CTNNA2: variants seen among roughly 807,000 people sequenced by gnomAD.
CTNNA2 encodes catenin alpha 2, also known as catenin alpha-2.
In CTNNA2, 42 loss-of-function variants were observed where a neutral mutation model predicts 101.0. The ratio of observed to expected loss-of-function variants is 0.42; its 90% CI spans 0.32 to 0.54. The LOEUF (loss-of-function observed/expected upper bound fraction) is 0.54, where lower values mean the gene tolerates loss of function less well. Among genes scored for constraint, CTNNA2 ranks in the 20% least tolerant of loss-of-function variants. The probability of loss-of-function intolerance (pLI) is 0.14; values close to 1 mark genes in which losing one functional copy is unlikely to be tolerated. For synonymous variants in CTNNA2, 450 were observed against 456.4 expected, an observed-to-expected ratio of 0.99 and a Z score of 0.18; for missense variants, 871 against 1,223.1, an observed-to-expected ratio of 0.71 and a Z score of 4.29.
At chr2:79,735,981 A>G (rs543054603) in intron 2 of CTNNA2, among the ~76,000 whole-genome samples, 2 of 152,272 alleles carry the variant, frequency 1.3e-5, no homozygotes, top group African/African-American at 4.8e-5. Context: ...CTTATTATTT[A>G]CTTCTTTTTT....
At position 80,608,325 on chromosome 2, in the gene CTNNA2, T is replaced by C. The variant is rs1698187912; in HGVS notation, c.2430+7T>C. ...AGAGCTCATTGTGTCAGGGGTAAGC[T>C]GGACTTGGGCTTCACAATGTAAAGT... On this transcript the variant is annotated splice_region_variant and intron_variant, in intron 17 of 18. Coordinates refer to ENST00000402739, the MANE Select transcript of CTNNA2 (RefSeq NM_001282597.3). 6.2e-7 allele frequency: 1 copy of C among 1,606,356 alleles called. No homozygotes were observed. Among genetic ancestry groups the C allele is most frequent in the African/African-American group, 1.3e-5 (1 of 74,638 alleles).
intron 7 of CTNNA2, among the ~76,000 whole-genome samples, chr2:80,383,993 G>A (rs1474552977): frequency 6.6e-6 from 1 of 152,094 alleles, no homozygotes; most frequent in Non-Finnish European, 1.5e-5. Context: ...CCACAAAAAA[G>A]AACAAGATCA....
At chr2:79,231,282 G>A (rs1572990592) in intron 2 of CTNNA2, among the ~76,000 whole-genome samples, 1 of 152,248 alleles carries the variant, frequency 6.6e-6, no homozygotes, top group Non-Finnish European at 1.5e-5. Flanking sequence ...ATGGAGGCGG[G>A]TCCTTCCTGT....
chr2:79,848,993 C>A (rs992277330), intron 3 of CTNNA2, among the ~76,000 whole-genome samples: 7 of 138,286 alleles, frequency 5.1e-5, no homozygotes, highest in Non-Finnish European at 7.5e-5. Flanking sequence ...ACCACCTGAC[C>A]ACGGCACTTG....
chr2:79,519,160 C>A (rs1338709344), intron 1 of CTNNA2, among the ~76,000 whole-genome samples: 2 of 144,406 alleles, frequency 1.4e-5, no homozygotes, highest in Non-Finnish European at 3.0e-5. Context: ...ACCCAGGAGG[C>A]GGAGGCTGCA....
chr2:80,261,035 T>C (rs17018919), intron 7 of CTNNA2, among the ~76,000 whole-genome samples: 11,083 of 152,258 alleles, frequency 0.073, 569 homozygotes, highest in South Asian at 0.29. Context: ...ACCACAATGA[T>C]AGTCAGACTC....
intron 7 of CTNNA2, among the ~76,000 whole-genome samples, chr2:80,032,461 A>C (rs986175262): frequency 6.6e-6 from 1 of 152,202 alleles, no homozygotes; most frequent in Admixed American, 6.5e-5. Flanking sequence ...AATTTCTATG[A>C]TCAATCATCA....
chr2:80,125,841 GA>G (rs1172962204), intron 7 of CTNNA2, among the ~76,000 whole-genome samples: 2 of 152,164 alleles, frequency 1.3e-5, no homozygotes, highest in Non-Finnish European at 2.9e-5. Flanking sequence ...AAGGCAAAAT[GA>G]TATCCACACA....
At chr2:80,583,124 T>A (rs1695682361) in intron 14 of CTNNA2, among the ~76,000 whole-genome samples, 1 of 152,182 alleles carries the variant, frequency 6.6e-6, no homozygotes, top group Non-Finnish European at 1.5e-5. Flanking sequence ...GTTGCTTGAT[T>A]TTTCAGTTTC....
chr2:79,990,803 A>T (rs973773838), intron 7 of CTNNA2, among the ~76,000 whole-genome samples: 7 of 152,172 alleles, frequency 4.6e-5, no homozygotes, highest in Admixed American at 4.6e-4. Flanking sequence ...AAAATGAGTT[A>T]GGGAGGATTC....
chr2:80,605,395 C>G (rs1217633456), intron 16 of CTNNA2: 1 of 151,908 alleles, frequency 6.6e-6, no homozygotes, highest in Admixed American at 6.6e-5. Flanking sequence ...ATTATATATG[C>G]TACTATCTAC....
At chr2:80,426,674 AGCTTACGTG>A (rs1681024006) in intron 9 of CTNNA2, among the ~76,000 whole-genome samples, 1 of 152,128 alleles carries the variant, frequency 6.6e-6, no homozygotes, top group South Asian at 2.1e-4. Context: ...ATTGTAAAGA[AGCTTACGTG>A]GCTTTCAGGA....
At chr2:80,313,470 T>A in intron 7 of CTNNA2, 1 of 1,538,412 alleles carries the variant, frequency 6.5e-7, no homozygotes, top group Non-Finnish European at 8.8e-7. Flanking sequence ...TTATTCATGC[T>A]ATGGCAGAGA....
At chr2:79,311,361 A>T (rs560674526) in intron 2 of CTNNA2, among the ~76,000 whole-genome samples, 1 of 143,368 alleles carries the variant, frequency 7.0e-6, no homozygotes, top group South Asian at 2.3e-4. Context: ...GTGAGCCGAG[A>T]CCGCACCACT....
intron 9 of CTNNA2, among the ~76,000 whole-genome samples, chr2:80,484,394 G>T (rs557085317): frequency 6.6e-6 from 1 of 152,164 alleles, no homozygotes; most frequent in Non-Finnish European, 1.5e-5. Context: ...TGGGCAGAAT[G>T]GGACTGAAAA....
At chr2:80,229,204 G>A (rs1709057806) in intron 7 of CTNNA2, among the ~76,000 whole-genome samples, 1 of 152,148 alleles carries the variant, frequency 6.6e-6, no homozygotes, top group African/African-American at 2.4e-5. Flanking sequence ...CAGATATGGA[G>A]TATTTTTCAT....
chr2:80,182,174 G>GC (rs1465133324), intron 7 of CTNNA2, among the ~76,000 whole-genome samples: 1 of 152,198 alleles, frequency 6.6e-6, no homozygotes, highest in Non-Finnish European at 1.5e-5. Context: ...AGCAGACAGT[G>GC]CAGCCCTTAG....
At chr2:80,335,670 C>T (rs748523200) in intron 7 of CTNNA2, among the ~76,000 whole-genome samples, 2 of 152,138 alleles carry the variant, frequency 1.3e-5, no homozygotes, top group Non-Finnish European at 2.9e-5. Flanking sequence ...ATGACACAAT[C>T]AGAAAGGCAC....
chr2:79,338,575 A>ATCTTCTTCTTCTTCT (rs1239699778), intron 3 of CTNNA2, among the ~76,000 whole-genome samples: 3,245 of 115,264 alleles, frequency 0.028, 164 homozygotes, highest in Middle Eastern at 0.064. Context: ...CTTCCTCCTC[A>ATCTTCTTCTTCTTCT]TCATCTTCTT....
Sources: gnomAD v4.1 joint callset for allele counts (sites outside exome capture counted in the v4.1 genomes callset) on GRCh38, gnomAD v4.1.1 for gene constraint, MANE v1.5 for transcripts, NCBI Gene and HGNC (gene_info 2026-07-23, HGNC 2026-07-21) for gene names.